The following POFUT1 variants were observed in gnomAD, a reference collection of about 807,000 sequenced individuals.
POFUT1 encodes the protein GDP-fucose protein O-fucosyltransferase 1.
Under a neutral mutation model 42.4 loss-of-function variants are expected in POFUT1, and 16 were observed. The observed-to-expected ratio is 0.38, with a 90% confidence interval of 0.26 to 0.57. The LOEUF (loss-of-function observed/expected upper bound fraction) is 0.57. Among genes scored for constraint, POFUT1 ranks in the 20% least tolerant of loss-of-function variants. POFUT1 has a pLI of 0.71. For missense variants in POFUT1, 470 were observed against 504.6 expected, an observed-to-expected ratio of 0.93 and a Z score of 0.66; for synonymous variants, 206 against 205.4, an observed-to-expected ratio of 1.00 and a Z score of -0.03.
At chr20:32,223,649 A>G (rs187959470) in intron 4 of POFUT1, 13 of 985,364 alleles carry the variant, frequency 1.3e-5, no homozygotes, top group Middle Eastern at 5.2e-4. Context: ...GGTAATATGA[A>G]TTCCTTCCTT....
intron 2 of POFUT1, among the ~76,000 whole-genome samples, chr20:32,213,335 A>C (rs2047340533): frequency 1.3e-5 from 2 of 151,454 alleles, no homozygotes; most frequent in South Asian, 4.2e-4. Context: ...GCCCGCCTGT[A>C]ATCCCAGCTA....
At chr20:32,234,348 C>T (rs988289269) in intron 6 of POFUT1, 125 bp from the exon 7 acceptor site, 1 of 898,558 alleles carries the variant, frequency 1.1e-6, no homozygotes, top group Non-Finnish European at 1.7e-6. Context: ...TGAACCACAT[C>T]TTCCTCTTCT....
intron 3 of POFUT1, 136 bp downstream of exon 3, chr20:32,215,587 T>A: frequency 1.3e-6 from 1 of 760,642 alleles, no homozygotes; most frequent in Non-Finnish European, 2.1e-6. Context: ...GTCCTGTTTC[T>A]GGCATTTGTT....
chr20:32,231,120 GT>G lies in POFUT1; in HGVS notation c.978+60del, dbSNP rs939965292. On this transcript the variant is annotated intron_variant, in intron 6 of 6. Transcript: ENST00000375749. ...GGGAATGAAAGGAGGAGCCAGGATGGTCCCACTGCCCACTGCATGCTTCACG... is the reference window on the plus strand; with the variant it reads ...GGGAATGAAAGGAGGAGCCAGGATGGCCCACTGCCCACTGCATGCTTCACG... 1.8e-5 allele frequency: 28 copies of G among 1,588,294 alleles called. No individual in the cohort carries two copies. The African/African-American group carries it at 3.8e-4, about 21-fold the overall frequency.
At chr20:32,213,413 G>A (rs888366059) in intron 2 of POFUT1, among the ~76,000 whole-genome samples, 5 of 149,554 alleles carry the variant, frequency 3.3e-5, no homozygotes, top group South Asian at 2.1e-4. Flanking sequence ...CCGAGATCGC[G>A]CCACTGCACT....
chr20:32,214,143 G>T, intron 2 of POFUT1, among the ~76,000 whole-genome samples: 1 of 150,236 alleles, frequency 6.7e-6, no homozygotes, highest in Non-Finnish European at 1.5e-5. Context: ...TTTTTTTTTT[G>T]AGACAGAGTC....
intron 4 of POFUT1, among the ~76,000 whole-genome samples, chr20:32,221,912 G>A (rs1398497509): frequency 6.6e-6 from 1 of 152,210 alleles, no homozygotes; most frequent in Admixed American, 6.5e-5. Flanking sequence ...CAGGAAGCCC[G>A]AAATAAGAGC....
intron 4 of POFUT1, chr20:32,223,738 A>G (rs1223470785): frequency 1.0e-6 from 1 of 960,140 alleles, no homozygotes; most frequent in Non-Finnish European, 1.2e-6. Context: ...AATATTTATC[A>G]TGCCTACCAT....
intron 4 of POFUT1, chr20:32,223,602 A>G (rs2047400802): frequency 1.0e-6 from 1 of 985,286 alleles, no homozygotes; most frequent in African/African-American, 1.7e-5. Context: ...TAGCATCTGA[A>G]AGATTAGCTG....
intron 4 of POFUT1, chr20:32,217,468 A>G (rs1207785134): frequency 1.0e-6 from 1 of 996,360 alleles, no homozygotes; most frequent in Non-Finnish European, 1.2e-6. Context: ...AAACAGATGT[A>G]GAGAAATGAG....
chr20:32,213,243 C>T (rs1025553070), intron 2 of POFUT1, among the ~76,000 whole-genome samples: 1 of 151,964 alleles, frequency 6.6e-6, no homozygotes, highest in Non-Finnish European at 1.5e-5. Context: ...GGGCAAATCA[C>T]TTGAGGTCAG....
chr20:32,222,649 C>T (rs1435636154), intron 4 of POFUT1: 2 of 985,380 alleles, frequency 2.0e-6, no homozygotes, highest in East Asian at 2.3e-4. Flanking sequence ...ACGTATCCAG[C>T]TGAAAACTGG....
chr20:32,220,992 C>T (rs1158435037), intron 4 of POFUT1, among the ~76,000 whole-genome samples: 1 of 152,138 alleles, frequency 6.6e-6, no homozygotes, highest in South Asian at 2.1e-4. Flanking sequence ...TGGAAACCGG[C>T]ACAGTGTCAC....
At position 32,230,925 on chromosome 20, in the gene POFUT1, C is replaced by T; in HGVS notation, c.842C>T (p.Thr281Ile). 1.9e-6 allele frequency: 3 copies of T among 1,614,230 alleles called. No individual in the cohort carries two copies. The highest frequency in any genetic ancestry group is 2.5e-6 in the Non-Finnish European group (3 of 1,180,046). The part of the protein sequence containing the change: ...SRSTAAPLTM[T>I]MCLPDLKEIQ... ...AGCACAGCGGCCCCCCTCACGATGA[C>T]TATGTGCCTGCCTGACCTGAAGGAG... Residue 281 changes from threonine (T) to isoleucine (I), a missense_variant, in exon 6 of 7, where the codon ACT (threonine) becomes ATT (isoleucine). Transcript: ENST00000375749.
intron 2 of POFUT1, among the ~76,000 whole-genome samples, chr20:32,212,125 A>T (rs1359329366): frequency 6.6e-6 from 1 of 152,220 alleles, no homozygotes; most frequent in Non-Finnish European, 1.5e-5. Flanking sequence ...CTGTGTCAAC[A>T]TGCAATAAAT....
At chr20:32,228,952 T>C (rs2047428849) in intron 5 of POFUT1, among the ~76,000 whole-genome samples, 1 of 152,258 alleles carries the variant, frequency 6.6e-6, no homozygotes, top group East Asian at 1.9e-4. Flanking sequence ...ATGGTCACCT[T>C]GATTTACCTA....
In POFUT1 at chr20:32,228,441, A is replaced by G. The variant is rs1269313051; in HGVS notation, c.721A>G (p.Ile241Val). 3 of 1,613,818 alleles carry G rather than the reference A, an allele frequency of 1.9e-6. No homozygotes were observed. The highest frequency in any genetic ancestry group is 2.2e-5 in the East Asian group (1 of 44,894). Residue 241 changes from isoleucine (I) to valine (V), a missense_variant, in exon 5 of 7, where the codon ATT becomes GTT. Ile to Val is a conservative substitution (Grantham distance 29). Coordinates refer to ENST00000375749, the MANE Select transcript of POFUT1 (RefSeq NM_015352.2). ...GCCCTATGTGGGCATTCATCTGCGCATTGGCTCTGACTGGGTAACTTCCCC... is the reference window on the plus strand; with the variant it reads ...GCCCTATGTGGGCATTCATCTGCGCGTTGGCTCTGACTGGGTAACTTCCCC... ...VRPYVGIHLR[I>V]GSDWKNACAM...
intron 4 of POFUT1, chr20:32,217,895 C>A (rs2047371112): frequency 4.9e-6 from 1 of 202,316 alleles, no homozygotes; most frequent in Non-Finnish European, 8.8e-6. Context: ...GTTTGTAAAT[C>A]TTTAATAAAT....
chr20:32,208,196 T>G, intron 1 of POFUT1, 131 bp downstream of exon 1: 1 of 918,408 alleles, frequency 1.1e-6, no homozygotes, highest in African/African-American at 1.7e-5. Context: ...GGGCATGCTC[T>G]TCTCCTCTCT....
Sources: gnomAD v4.1 joint callset for allele counts (sites outside exome capture counted in the v4.1 genomes callset) on GRCh38, gnomAD v4.1.1 for gene constraint, MANE v1.5 for transcripts, NCBI Gene and HGNC (gene_info 2026-07-23, HGNC 2026-07-21) for gene names.